The following FTO variants were observed in gnomAD, a reference collection of about 807,000 sequenced individuals.
The protein encoded by FTO is alpha-ketoglutarate-dependent dioxygenase FTO.
FTO carries 47 observed loss-of-function variants against 63.9 expected under a neutral mutation model. The observed-to-expected ratio is 0.74, with a 90% CI of 0.58 to 0.94. The LOEUF (loss-of-function observed/expected upper bound fraction) is 0.94, where lower values mean the gene tolerates loss of function less well. FTO is among the 40% of genes least tolerant of loss of function. The pLI is 0.00. For missense variants in FTO, 562 were observed against 618.1 expected (o/e 0.91, Z 0.96); for synonymous variants, 207 against 224.4 (o/e 0.92, Z 0.69).
At chr16:53,738,808 T>G (rs2076453007) in intron 1 of FTO, among the ~76,000 whole-genome samples, 1 of 152,188 alleles carries the variant, frequency 6.6e-6, no homozygotes, top group Admixed American at 6.5e-5. Flanking sequence ...CCAGTTTCTC[T>G]ACATCTTTGC....
chr16:54,044,833 C>G (rs1362687696), intron 8 of FTO, among the ~76,000 whole-genome samples: 1 of 88,890 alleles, frequency 1.1e-5, no homozygotes, highest in Non-Finnish European at 1.9e-5. Flanking sequence ...TACATGGAAA[C>G]TGAACAACCT....
chr16:53,932,769 G>A (rs925408427), intron 7 of FTO, among the ~76,000 whole-genome samples: 2 of 152,130 alleles, frequency 1.3e-5, no homozygotes, highest in Non-Finnish European at 2.9e-5. Flanking sequence ...CGAATGATCT[G>A]GCCTCGGAAA....
At chr16:53,831,662 G>A (rs1331245214) in intron 3 of FTO, among the ~76,000 whole-genome samples, 1 of 152,198 alleles carries the variant, frequency 6.6e-6, no homozygotes, top group Non-Finnish European at 1.5e-5. Flanking sequence ...AGTAGATTGT[G>A]TAACAAGGGT....
At chr16:53,876,277 T>A (rs779875775) in intron 5 of FTO, among the ~76,000 whole-genome samples, 3 of 152,178 alleles carry the variant, frequency 2.0e-5, no homozygotes, top group Non-Finnish European at 4.4e-5. Flanking sequence ...TATTTTTAAA[T>A]ATAAATGGTA....
At chr16:53,865,023 A>G (rs886382535) in intron 4 of FTO, among the ~76,000 whole-genome samples, 2 of 152,170 alleles carry the variant, frequency 1.3e-5, no homozygotes, top group African/African-American at 2.4e-5. Flanking sequence ...TAGGTGACTC[A>G]GTGTTCCCCT....
At chr16:53,820,172 C>A (rs1381790468) in intron 2 of FTO, among the ~76,000 whole-genome samples, 1 of 151,874 alleles carries the variant, frequency 6.6e-6, no homozygotes, top group Non-Finnish European at 1.5e-5. Flanking sequence ...CCACGCCCAG[C>A]TAGTTTTTGT....
chr16:53,750,207 T>C (rs181864427), intron 1 of FTO, among the ~76,000 whole-genome samples: 1 of 152,266 alleles, frequency 6.6e-6, no homozygotes, highest in East Asian at 1.9e-4. Flanking sequence ...GCCCTTGAGC[T>C]AAGAATGGCT....
chr16:53,905,950 C>A (rs1032714594), intron 7 of FTO, among the ~76,000 whole-genome samples: 9 of 152,154 alleles, frequency 5.9e-5, no homozygotes, highest in African/African-American at 2.2e-4. Flanking sequence ...TTGAAAAACT[C>A]CCTTATTTTA....
At chr16:53,789,628 T>C (rs1598662299) in intron 1 of FTO, among the ~76,000 whole-genome samples, 2 of 152,090 alleles carry the variant, frequency 1.3e-5, no homozygotes, top group Non-Finnish European at 2.9e-5. Context: ...CATATGAATG[T>C]TTTGATGTTT....
At chr16:53,860,192 G>A (rs1348777073) in intron 4 of FTO, among the ~76,000 whole-genome samples, 1 of 152,208 alleles carries the variant, frequency 6.6e-6, no homozygotes, top group African/African-American at 2.4e-5. Context: ...TGTGGAATAT[G>A]TTATGCTAAG....
At chr16:53,754,710 A>C (rs372255628) in intron 1 of FTO, among the ~76,000 whole-genome samples, 28 of 152,328 alleles carry the variant, frequency 1.8e-4, no homozygotes, top group African/African-American at 6.3e-4. Flanking sequence ...ATGATACACA[A>C]TGCACCAAAC....
intron 8 of FTO, among the ~76,000 whole-genome samples, chr16:54,012,310 C>A (rs1004652704): frequency 6.6e-6 from 1 of 152,196 alleles, no homozygotes; most frequent in Admixed American, 6.5e-5. Context: ...AGCCCTAAAT[C>A]TTCAATTCTA....
Position 53,882,237 on chromosome 16 carries a change from G to T in FTO, c.1119+2250G>T, listed in dbSNP as rs140464597. Among the ~76,000 whole-genome samples, 280 of 152,252 alleles carry T rather than the reference G, an allele frequency of 1.8e-3. 1 individual carries two copies. The highest frequency in any genetic ancestry group is 6.4e-3 in the African/African-American group (266 of 41,558). On this transcript the variant is annotated intron_variant, in intron 6 of 8. Transcript: ENST00000471389. Reference sequence around the variant, plus strand: ...TTCTATAATTAATTACTGAGCACGTGCCAGACACTCTTCTGGGCGCTTTAG... The same window carrying T: ...TTCTATAATTAATTACTGAGCACGTTCCAGACACTCTTCTGGGCGCTTTAG...
At chr16:53,812,468 C>T (rs985692417) in intron 2 of FTO, among the ~76,000 whole-genome samples, 6 of 151,980 alleles carry the variant, frequency 3.9e-5, no homozygotes, top group Non-Finnish European at 7.4e-5. Flanking sequence ...AGTGATTTGG[C>T]GTCCCAAAGT....
chr16:53,789,249 A>G (rs1264743329), intron 1 of FTO, among the ~76,000 whole-genome samples: 1 of 152,198 alleles, frequency 6.6e-6, no homozygotes, highest in Non-Finnish European at 1.5e-5. Context: ...CAAAATATTC[A>G]GAGGATATAG....
At chr16:53,843,412 C>G in intron 3 of FTO, among the ~76,000 whole-genome samples, 1 of 151,914 alleles carries the variant, frequency 6.6e-6, no homozygotes, top group South Asian at 2.1e-4. Context: ...GAAAAAATTT[C>G]TCTCTTTTGG....
chr16:53,754,032 G>A (rs1390403937), intron 1 of FTO, among the ~76,000 whole-genome samples: 1 of 152,162 alleles, frequency 6.6e-6, no homozygotes, highest in African/African-American at 2.4e-5. Context: ...AACGGGGTTT[G>A]GAGGTGTTCA....
At chr16:54,062,239 G>A (rs1417735474) in intron 8 of FTO, among the ~76,000 whole-genome samples, 1 of 152,178 alleles carries the variant, frequency 6.6e-6, no homozygotes, top group African/African-American at 2.4e-5. Flanking sequence ...TTTATTATTA[G>A]TTCCGGTTAA....
intron 8 of FTO, among the ~76,000 whole-genome samples, chr16:53,988,320 T>C (rs1243636938): frequency 2.6e-5 from 4 of 152,218 alleles, no homozygotes; most frequent in African/African-American, 7.2e-5. Flanking sequence ...TACTTTGAAA[T>C]TGATTGTTCA....
Sources: allele counts gnomAD v4.1 joint callset (sites outside exome capture counted in the v4.1 genomes callset), GRCh38; gene constraint gnomAD v4.1.1; transcripts MANE v1.5; gene names NCBI Gene and HGNC (gene_info 2026-07-23, HGNC 2026-07-21).